GRID2: variants seen among roughly 807,000 people sequenced by gnomAD.
GRID2 encodes glutamate receptor ionotropic, delta-2.
A neutral mutation model predicts 114.8 loss-of-function variants in GRID2; 33 were observed. The observed-to-expected ratio is 0.29, with a 90% CI of 0.22 to 0.38. The LOEUF (loss-of-function observed/expected upper bound fraction) is 0.38, where lower values mean the gene tolerates loss of function less well. Among genes scored for constraint, GRID2 ranks in the 10% least tolerant of loss-of-function variants. The pLI is 1.00. For missense variants in GRID2, 1,184 were observed against 1,257.7 expected, an observed-to-expected ratio of 0.94 and a Z score of 0.89; for synonymous variants, 505 against 449.9, an observed-to-expected ratio of 1.12 and a Z score of -1.55.
intron 2 of GRID2, among the ~76,000 whole-genome samples, chr4:92,746,566 T>C (rs190548029): frequency 8.1e-4 from 123 of 152,228 alleles, no homozygotes; most frequent in Admixed American, 6.1e-3. Flanking sequence ...TGCTCTGGAA[T>C]GCTAAATTAG....
At chr4:92,508,973 G>A (rs919176279) in intron 1 of GRID2, among the ~76,000 whole-genome samples, 12 of 151,796 alleles carry the variant, frequency 7.9e-5, no homozygotes, top group South Asian at 6.2e-4. Context: ...AGGCTTAGAC[G>A]GGAGGCACAC....
chr4:93,197,201 A>T (rs1407609714), intron 4 of GRID2, among the ~76,000 whole-genome samples: 1 of 152,176 alleles, frequency 6.6e-6, no homozygotes, highest in East Asian at 1.9e-4. Flanking sequence ...CATTCAGTTT[A>T]ACTGTAATTC....
chr4:93,765,770 A>C (rs1369736409), intron 14 of GRID2, among the ~76,000 whole-genome samples: 1 of 151,970 alleles, frequency 6.6e-6, no homozygotes, highest in Non-Finnish European at 1.5e-5. Context: ...GTAGGCAGTA[A>C]TTAAGTTCCT....
intron 2 of GRID2, among the ~76,000 whole-genome samples, chr4:93,068,215 T>G (rs1430222321): frequency 6.6e-6 from 1 of 152,078 alleles, no homozygotes; most frequent in African/African-American, 2.4e-5. Flanking sequence ...CAAATTATAG[T>G]AAAGTATAAC....
intron 4 of GRID2, among the ~76,000 whole-genome samples, chr4:93,163,403 C>CTA (rs1737942154): frequency 5.2e-5 from 4 of 76,854 alleles, no homozygotes; most frequent in Non-Finnish European, 7.0e-5. Context: ...TATATATACA[C>CTA]TATATATATA....
intron 13 of GRID2, among the ~76,000 whole-genome samples, chr4:93,553,392 T>C (rs1733976204): frequency 6.6e-6 from 1 of 152,328 alleles, no homozygotes; most frequent in South Asian, 2.1e-4. Flanking sequence ...TGGGAACTCT[T>C]GCTAACTTGG....
At chr4:93,409,088 T>C (rs1766837936) in intron 9 of GRID2, among the ~76,000 whole-genome samples, 1 of 152,180 alleles carries the variant, frequency 6.6e-6, no homozygotes, top group Non-Finnish European at 1.5e-5. Context: ...CTCTTTGCTC[T>C]GGAAAATGAC....
chr4:93,489,639 C>T (rs1434119948), intron 11 of GRID2, among the ~76,000 whole-genome samples: 1 of 151,760 alleles, frequency 6.6e-6, no homozygotes, highest in Admixed American at 6.6e-5. Flanking sequence ...AATTGGGTGT[C>T]AGCAGTAGAC....
chr4:93,073,438 T>C (rs1259068724), intron 2 of GRID2, among the ~76,000 whole-genome samples: 3 of 152,324 alleles, frequency 2.0e-5, no homozygotes, highest in East Asian at 1.9e-4. Context: ...TATATATTAG[T>C]GTATGAAATA....
At chr4:93,166,544 A>C (rs1560945118) in intron 4 of GRID2, among the ~76,000 whole-genome samples, 1 of 152,220 alleles carries the variant, frequency 6.6e-6, no homozygotes. Flanking sequence ...CTGTATCGGT[A>C]AGGCATGGCC....
chr4:92,574,266 T>A (rs1727776349), intron 1 of GRID2, among the ~76,000 whole-genome samples: 1 of 152,192 alleles, frequency 6.6e-6, no homozygotes, highest in South Asian at 2.1e-4. Flanking sequence ...TCTTTGTCTT[T>A]TAAATGGGGG....
At chr4:93,633,068 T>G (rs1434960659) in intron 14 of GRID2, among the ~76,000 whole-genome samples, 4 of 151,978 alleles carry the variant, frequency 2.6e-5, no homozygotes, top group Non-Finnish European at 5.9e-5. Flanking sequence ...TCTCTACACA[T>G]GCATGCATGC....
chr4:93,568,028 A>G lies in GRID2; in HGVS notation c.2193+52617A>G, dbSNP rs536804874. 3.3e-5 allele frequency among the ~76,000 whole-genome samples: 5 copies of G among 152,294 alleles called. 1 individual carries two copies. Among genetic ancestry groups the G allele is most frequent in the South Asian group, 2.1e-4 (1 of 4,830 alleles). On this transcript the variant is annotated intron_variant, in intron 13 of 15. Coordinates refer to ENST00000282020, the MANE Select transcript of GRID2 (RefSeq NM_001510.4). ...AGTAGCTTGGAGAATTACAAAGAGTATGAGCCTAAAAGTCAGTCAGACACA... is the reference window on the plus strand; with the variant it reads ...AGTAGCTTGGAGAATTACAAAGAGTGTGAGCCTAAAAGTCAGTCAGACACA...
At chr4:93,262,981 T>C (rs1005306958) in intron 8 of GRID2, among the ~76,000 whole-genome samples, 2 of 152,130 alleles carry the variant, frequency 1.3e-5, no homozygotes, top group Middle Eastern at 3.4e-3. Flanking sequence ...GTTCCACTTA[T>C]CACTACTAAG....
chr4:92,911,193 T>C (rs893634310), intron 2 of GRID2, among the ~76,000 whole-genome samples: 5 of 152,074 alleles, frequency 3.3e-5, no homozygotes, highest in African/African-American at 9.6e-5. Flanking sequence ...GAAGTATTCA[T>C]TTATTGTTTT....
At chr4:93,239,333 C>A (rs1019105405) in intron 8 of GRID2, among the ~76,000 whole-genome samples, 1 of 133,342 alleles carries the variant, frequency 7.5e-6, no homozygotes, top group Non-Finnish European at 1.6e-5. Flanking sequence ...GATTTGCTAT[C>A]TATCTATCTA....
chr4:93,120,488 C>T lies in GRID2; in HGVS notation c.735+9535C>T, dbSNP rs554391033. On this transcript the variant is annotated intron_variant, in intron 4 of 15. Transcript: ENST00000282020. Reference sequence around the variant, plus strand: ...GAAACCATCATTCTCAGCAAACTAACACAGGAACAGAAAACCAAATACCCC... The same window carrying T: ...GAAACCATCATTCTCAGCAAACTAATACAGGAACAGAAAACCAAATACCCC... Among the ~76,000 whole-genome samples, 47 of 152,226 alleles carry T rather than the reference C, an allele frequency of 3.1e-4. 1 individual carries two copies. The highest frequency in any genetic ancestry group is 1.1e-3 in the African/African-American group (45 of 41,536).
chr4:93,163,386 A>ATACACTATATATATATATATATATG (rs1737915706), intron 4 of GRID2, among the ~76,000 whole-genome samples: 5 of 45,288 alleles, frequency 1.1e-4, no homozygotes, highest in East Asian at 4.9e-4. Context: ...ATATATATAT[A>ATACACTATATATATATATATATATG]TATATATATA....
At chr4:92,812,513 A>G (rs1387854293) in intron 2 of GRID2, among the ~76,000 whole-genome samples, 1 of 152,124 alleles carries the variant, frequency 6.6e-6, no homozygotes, top group Non-Finnish European at 1.5e-5. Flanking sequence ...TTTTACATGT[A>G]TATTTTCATT....
Sources: allele counts gnomAD v4.1 joint callset (sites outside exome capture counted in the v4.1 genomes callset), GRCh38; gene constraint gnomAD v4.1.1; transcripts MANE v1.5; gene names NCBI Gene and HGNC (gene_info 2026-07-23, HGNC 2026-07-21).